PRKD1: variants seen among roughly 807,000 people sequenced by gnomAD.
PRKD1 encodes the protein serine/threonine-protein kinase D1.
PRKD1 carries 63 observed loss-of-function variants against 95.9 expected under a neutral mutation model. The observed-to-expected ratio is 0.66, with a 90% CI of 0.54 to 0.81. PRKD1 has a LOEUF of 0.81. Among genes scored for constraint, PRKD1 ranks in the 30% least tolerant of loss-of-function variants. The probability of loss-of-function intolerance (pLI) is 0.00; values close to 1 mark genes in which losing one functional copy is unlikely to be tolerated. For synonymous variants in PRKD1, 425 were observed against 423.1 expected (o/e 1.00, Z -0.05); for missense variants, 1,048 against 1,165.3 (o/e 0.90, Z 1.47).
chr14:29,602,232 T>C (rs1226799690), intron 13 of PRKD1, among the ~76,000 whole-genome samples: 1 of 151,760 alleles, frequency 6.6e-6, no homozygotes, highest in Non-Finnish European at 1.5e-5. Context: ...GAGATAAGCG[T>C]TAAGGGAGAG....
At chr14:29,902,213 C>A (rs562480744) in intron 1 of PRKD1, among the ~76,000 whole-genome samples, 19 of 151,074 alleles carry the variant, frequency 1.3e-4, no homozygotes, top group Non-Finnish European at 2.4e-4. Context: ...GAGCTAAGAT[C>A]ACGCCATTGC....
rs369205304 is a variant in PRKD1, at chr14:29,723,168, T to G, written c.403+2368A>C. ...ACCAAGGATGAATGAGTACTTAAAA[T>G]GGAAAGTAAAATTAGGAATCTGACA... On this transcript the variant is annotated intron_variant, in intron 2 of 17. Coordinates refer to ENST00000331968, the MANE Select transcript of PRKD1 (RefSeq NM_002742.3). 2.0e-5 allele frequency among the ~76,000 whole-genome samples: 3 copies of G among 152,222 alleles called. No homozygotes were observed. The East Asian group carries it at 5.8e-4, about 29-fold the overall frequency.
In PRKD1 at chr14:29,899,631, A is replaced by T. The variant is rs1450056645; in HGVS notation, c.264+27618T>A. 2.6e-5 allele frequency among the ~76,000 whole-genome samples: 4 copies of T among 152,198 alleles called. No individual in the cohort carries two copies. In the South Asian group the frequency reaches 8.3e-4, roughly 32 times the overall value. ...CACTGCACTCCATACTGGGTAACAG[A>T]GAGAGATTGTGTCTCAAAAACTTAA... On this transcript the variant is annotated intron_variant, in intron 1 of 17. Coordinates refer to ENST00000331968, the MANE Select transcript of PRKD1 (RefSeq NM_002742.3).
At chr14:29,638,014 C>T (rs1188045537) in intron 6 of PRKD1, among the ~76,000 whole-genome samples, 2 of 152,044 alleles carry the variant, frequency 1.3e-5, no homozygotes, top group African/African-American at 4.8e-5. Context: ...AGCAGTCCTT[C>T]GAAGTTAATT....
At position 29,611,798 on chromosome 14, in the gene PRKD1, A is replaced by G. The variant is rs542503948; in HGVS notation, c.1906-11981T>C. On this transcript the variant is annotated intron_variant, in intron 13 of 17. Coordinates refer to ENST00000331968, the MANE Select transcript of PRKD1 (RefSeq NM_002742.3). ...TCTACATGAAGCTGTTTAATGGTTT[A>G]TAAAAATTGAAAAATGGAGCAAATA... Among the ~76,000 whole-genome samples, 16 of 150,302 alleles carry G rather than the reference A, an allele frequency of 1.1e-4. No individual in the cohort carries two copies. The South Asian group carries it at 3.4e-3, about 31-fold the overall frequency.
At chr14:29,695,025 G>C (rs1266307424) in intron 2 of PRKD1, among the ~76,000 whole-genome samples, 1 of 152,096 alleles carries the variant, frequency 6.6e-6, no homozygotes, top group African/African-American at 2.4e-5. Flanking sequence ...CTGAGTACAG[G>C]AGTTTAAGAC....
chr14:29,842,810 G>T (rs116153816), intron 1 of PRKD1, among the ~76,000 whole-genome samples: 3 of 152,108 alleles, frequency 2.0e-5, no homozygotes, highest in Non-Finnish European at 2.9e-5. Flanking sequence ...CCTTTGAACC[G>T]CTTTTTCTGA....
chr14:29,875,394 T>A (rs549947232), intron 1 of PRKD1, among the ~76,000 whole-genome samples: 89 of 152,340 alleles, frequency 5.8e-4, no homozygotes, highest in African/African-American at 2.0e-3. Context: ...TGATTCAATA[T>A]CATAATATTT....
chr14:29,721,544 T>C (rs1885896506), intron 2 of PRKD1, among the ~76,000 whole-genome samples: 1 of 152,184 alleles, frequency 6.6e-6, no homozygotes, highest in Non-Finnish European at 1.5e-5. Context: ...GTAAATGTAG[T>C]CCTGTTACTA....
chr14:29,778,459 A>G (rs1444655887), intron 1 of PRKD1, among the ~76,000 whole-genome samples: 3 of 152,242 alleles, frequency 2.0e-5, no homozygotes, highest in African/African-American at 7.2e-5. Context: ...CAGGGTTATC[A>G]CCACTGATCC....
At chr14:29,764,030 T>G (rs1888147985) in intron 1 of PRKD1, among the ~76,000 whole-genome samples, 1 of 152,330 alleles carries the variant, frequency 6.6e-6, no homozygotes, top group East Asian at 1.9e-4. Context: ...TGTGTGTATA[T>G]AGAGAGTTTT....
intron 17 of PRKD1, among the ~76,000 whole-genome samples, 157 bp from the exon 18 acceptor site, chr14:29,577,613 A>G (rs760058197): frequency 1.3e-5 from 2 of 152,154 alleles, no homozygotes; most frequent in African/African-American, 4.8e-5. Context: ...CAGTGTCGGC[A>G]CCAAAGCCAT....
At chr14:29,709,843 C>A (rs915663975) in intron 2 of PRKD1, among the ~76,000 whole-genome samples, 1 of 152,150 alleles carries the variant, frequency 6.6e-6, no homozygotes, top group Admixed American at 6.6e-5. Context: ...ATATTAATCT[C>A]ATTCAACCAA....
At chr14:29,591,700 C>A (rs1893136092) in intron 16 of PRKD1, among the ~76,000 whole-genome samples, 1 of 152,170 alleles carries the variant, frequency 6.6e-6, no homozygotes, top group Non-Finnish European at 1.5e-5. Context: ...TCCTGCCTTA[C>A]AAATATTCTT....
chr14:29,614,539 T>C (rs1878711924), intron 13 of PRKD1, among the ~76,000 whole-genome samples: 1 of 152,150 alleles, frequency 6.6e-6, no homozygotes, highest in Non-Finnish European at 1.5e-5. Flanking sequence ...ATATTTTAAT[T>C]TTTGTTATAC....
chr14:29,578,189 A>T (rs529802095), intron 17 of PRKD1, 86 bp downstream of exon 17: 1 of 1,084,502 alleles, frequency 9.2e-7, no homozygotes, highest in African/African-American at 1.6e-5. Context: ...CACTTTAAAA[A>T]TTATTGCAAA....
chr14:29,580,464 G>C (rs1177370482), intron 16 of PRKD1, among the ~76,000 whole-genome samples: 1 of 151,618 alleles, frequency 6.6e-6, no homozygotes, highest in Non-Finnish European at 1.5e-5. Flanking sequence ...ATAAATAAAT[G>C]TGTGTGTGTG....
intron 2 of PRKD1, among the ~76,000 whole-genome samples, chr14:29,671,108 G>T (rs1467707271): frequency 6.6e-6 from 1 of 152,058 alleles, no homozygotes; most frequent in Non-Finnish European, 1.5e-5. Context: ...GGTTGACTAG[G>T]CAGCTCAGAA....
chr14:29,885,645 T>C (rs940785697), intron 1 of PRKD1, among the ~76,000 whole-genome samples: 2 of 151,954 alleles, frequency 1.3e-5, no homozygotes, highest in Admixed American at 6.6e-5. Context: ...AATTTCCCAT[T>C]CTCTAAGGAG....
Sources: allele counts gnomAD v4.1 joint callset (sites outside exome capture counted in the v4.1 genomes callset), GRCh38; gene constraint gnomAD v4.1.1; transcripts MANE v1.5; gene names NCBI Gene and HGNC (gene_info 2026-07-23, HGNC 2026-07-21).